Variants in NCOA1 observed in about 807,000 individuals in gnomAD.
NCOA1 encodes nuclear receptor coactivator 1.
NCOA1 carries 35 observed loss-of-function variants against 150.9 expected under a neutral mutation model. That is an observed-to-expected ratio of 0.23 (90% CI 0.18 to 0.31). NCOA1 has a LOEUF of 0.31. Ranked by LOEUF, NCOA1 falls within the 10% of genes least tolerant of loss-of-function variation. NCOA1 has a pLI of 1.00. For missense variants in NCOA1, 1,491 were observed against 1,749.3 expected, an observed-to-expected ratio of 0.85 and a Z score of 2.63; for synonymous variants, 590 against 630.0, an observed-to-expected ratio of 0.94 and a Z score of 0.95.
At chr2:24,652,038 T>C (rs763862090) in intron 4 of NCOA1, among the ~76,000 whole-genome samples, 1 of 152,072 alleles carries the variant, frequency 6.6e-6, no homozygotes, top group Non-Finnish European at 1.5e-5. Flanking sequence ...AGTTAAATAC[T>C]CAAGAGAATT....
intron 22 of NCOA1, among the ~76,000 whole-genome samples, chr2:24,766,169 G>A (rs959831165): frequency 6.6e-6 from 1 of 152,126 alleles, no homozygotes; most frequent in Non-Finnish European, 1.5e-5. Flanking sequence ...CAAAGTGCTA[G>A]AATTAGAGGC....
chr2:24,685,891 G>A (rs775363140), intron 8 of NCOA1, among the ~76,000 whole-genome samples: 2 of 152,172 alleles, frequency 1.3e-5, no homozygotes, highest in Non-Finnish European at 2.9e-5. Context: ...TGTGAAGGAA[G>A]GACAATCTTG....
chr2:24,578,937 C>T (rs1334758747), intron 2 of NCOA1, among the ~76,000 whole-genome samples: 1 of 152,126 alleles, frequency 6.6e-6, no homozygotes, highest in African/African-American at 2.4e-5. Context: ...ATATCCATTA[C>T]ATATAAGTGT....
chr2:24,679,565 C>G (rs563115091), intron 7 of NCOA1, among the ~76,000 whole-genome samples: 16 of 152,162 alleles, frequency 1.1e-4, no homozygotes, highest in Admixed American at 4.6e-4. Flanking sequence ...ATGCAAAGAA[C>G]ATTTTTAAAG....
intron 8 of NCOA1, 97 bp downstream of exon 8, chr2:24,683,225 G>A (rs1298547628): frequency 1.5e-6 from 1 of 679,780 alleles, no homozygotes; most frequent in African/African-American, 1.9e-5. Flanking sequence ...ATAATACACA[G>A]TATTATATAT....
At chr2:24,642,048 G>A (rs924979314) in intron 3 of NCOA1, among the ~76,000 whole-genome samples, 20 of 151,374 alleles carry the variant, frequency 1.3e-4, no homozygotes, top group South Asian at 6.3e-4. Flanking sequence ...GCGCGCGTGC[G>A]TATGTGTGTG....
chr2:24,534,125 G>T (rs956064883), intron 1 of NCOA1, among the ~76,000 whole-genome samples: 2 of 152,120 alleles, frequency 1.3e-5, no homozygotes, highest in African/African-American at 4.8e-5. Context: ...TTCAGAGCCT[G>T]TTATTGGTCT....
At chr2:24,741,530 T>C (rs751419398) in intron 18 of NCOA1, among the ~76,000 whole-genome samples, 1 of 152,236 alleles carries the variant, frequency 6.6e-6, no homozygotes, top group Non-Finnish European at 1.5e-5. Context: ...GAATTTGCGT[T>C]CTCATTTATA....
chr2:24,516,977 C>CATATACGTATATATGCGTGTAT lies in NCOA1; in HGVS notation c.-396+25389_-396+25390insGCGTGTATATATACGTATATAT, dbSNP rs1664216374. 3.4e-5 allele frequency among the ~76,000 whole-genome samples: 2 copies of CATATACGTATATATGCGTGTAT among 58,968 alleles called. 1 individual carries two copies. Among genetic ancestry groups the CATATACGTATATATGCGTGTAT allele is most frequent in the Non-Finnish European group, 7.5e-5 (2 of 26,558 alleles). 38.7% of individuals were successfully genotyped at this position (58,968 alleles called of 152,430 possible). A position where few individuals can be genotyped will look rare whatever the true frequency, so the allele number is the denominator to read the frequency against. On this transcript the variant is annotated intron_variant, in intron 1 of 22. Coordinates refer to ENST00000348332, the MANE Select transcript of NCOA1 (RefSeq NM_003743.5). ...ACAAGTATATATACGTATATATACA[C>CATATACGTATATATGCGTGTAT]ATATACGTATATATATACACACGCG...
intron 1 of NCOA1, among the ~76,000 whole-genome samples, chr2:24,516,992 A>G (rs1412358422): frequency 1.9e-5 from 1 of 52,348 alleles, no homozygotes; most frequent in African/African-American, 4.0e-5. Flanking sequence ...ACGTATATAT[A>G]TACACACGCG....
At chr2:24,736,314 G>A (rs1663301189) in intron 17 of NCOA1, among the ~76,000 whole-genome samples, 1 of 151,690 alleles carries the variant, frequency 6.6e-6, no homozygotes, top group Admixed American at 6.6e-5. Context: ...TTCTTCCCCA[G>A]CAAGGATCAT....
chr2:24,687,439 T>G (rs1672459859), intron 8 of NCOA1, among the ~76,000 whole-genome samples: 1 of 152,096 alleles, frequency 6.6e-6, no homozygotes, highest in African/African-American at 2.4e-5. Flanking sequence ...TCATGGGGGT[T>G]TGTTGTACAG....
Position 24,691,476 on chromosome 2 carries a change from C to T in NCOA1, c.533-5C>T. 1 of 1,610,164 alleles carries T rather than the reference C, an allele frequency of 6.2e-7. No homozygotes were observed. Among genetic ancestry groups the T allele is most frequent in the Non-Finnish European group, 8.5e-7 (1 of 1,178,374 alleles). ...GCAAGCACATAATCAATTTTTCTTC[C>T]TCAGTAAATGGAGTTCCTTGGCCTC... On this transcript the variant is annotated splice_region_variant and splice_polypyrimidine_tract_variant and intron_variant, in intron 8 of 22. Transcript: ENST00000348332.
rs544897597 is a variant in NCOA1 at position 24,746,877 on chromosome 2, G to C, written c.3706+4691G>C. Among the ~76,000 whole-genome samples, 11 of 152,262 alleles carry C rather than the reference G, an allele frequency of 7.2e-5. No individual in the cohort carries two copies. In the South Asian group the frequency reaches 2.3e-3, roughly 32 times the overall value. ...TATAGACTCTGGGGTAGTTGATAATGAGGACAGTTATACATGTGAGTGAAT... is the reference window on the plus strand; with the variant it reads ...TATAGACTCTGGGGTAGTTGATAATCAGGACAGTTATACATGTGAGTGAAT... On this transcript the variant is annotated intron_variant, in intron 19 of 22. Coordinates refer to ENST00000348332, the MANE Select transcript of NCOA1 (RefSeq NM_003743.5).
intron 20 of NCOA1, among the ~76,000 whole-genome samples, chr2:24,755,950 G>C (rs1310033125): frequency 2.0e-5 from 3 of 151,782 alleles, no homozygotes; most frequent in East Asian, 3.9e-4. Flanking sequence ...AATAGGCATA[G>C]AGGCTGGGTG....
chr2:24,680,309 G>A (rs1286287214), intron 7 of NCOA1, among the ~76,000 whole-genome samples: 2 of 151,876 alleles, frequency 1.3e-5, no homozygotes, highest in Non-Finnish European at 2.9e-5. Context: ...TCTCATCGTG[G>A]TTTTAATTTG....
At chr2:24,650,578 A>G (rs1670669272) in intron 4 of NCOA1, among the ~76,000 whole-genome samples, 1 of 152,294 alleles carries the variant, frequency 6.6e-6, no homozygotes, top group South Asian at 2.1e-4. Flanking sequence ...CAATAAAAAG[A>G]CAAGTTAAAC....
At chr2:24,741,746 T>G (rs1663611297) in intron 18 of NCOA1, 38 bp from the exon 19 acceptor site, 1 of 1,569,984 alleles carries the variant, frequency 6.4e-7, no homozygotes. Flanking sequence ...ATAGTGATTA[T>G]AATAATTTTA....
At chr2:24,673,500 C>CT (rs761230055) in intron 7 of NCOA1, 37 bp downstream of exon 7, 67 of 1,446,590 alleles carry the variant, frequency 4.6e-5, no homozygotes, top group Non-Finnish European at 6.1e-5. Flanking sequence ...TGATTAAAAT[C>CT]TTTGTTGTAG....
Sources: gnomAD v4.1 joint callset for allele counts (sites outside exome capture counted in the v4.1 genomes callset) on GRCh38, gnomAD v4.1.1 for gene constraint, MANE v1.5 for transcripts, NCBI Gene and HGNC (gene_info 2026-07-23, HGNC 2026-07-21) for gene names.